The following PRKN variants were observed in gnomAD, a reference collection of about 807,000 sequenced individuals.
PRKN encodes the protein parkin RBR E3 ubiquitin protein ligase.
A neutral mutation model predicts 59.5 loss-of-function variants in PRKN; 56 were observed. The observed-to-expected ratio is 0.94, with a 90% CI of 0.76 to 1.18. The LOEUF is 1.18. Among genes scored for constraint, PRKN ranks in the 50% most tolerant of loss-of-function variants. The probability of loss-of-function intolerance (pLI) is 0.00; values close to 1 mark genes in which losing one functional copy is unlikely to be tolerated. For synonymous variants in PRKN, 250 were observed against 222.1 expected, an observed-to-expected ratio of 1.13 and a Z score of -1.12; for missense variants, 657 against 596.4, an observed-to-expected ratio of 1.10 and a Z score of -1.06.
intron 6 of PRKN, among the ~76,000 whole-genome samples, chr6:161,862,415 C>T (rs917980309): frequency 3.9e-5 from 6 of 152,162 alleles, no homozygotes; most frequent in Non-Finnish European, 4.4e-5. Context: ...TTCCTTCCTA[C>T]TGCAACTTTA....
chr6:162,529,052 T>G (rs1385431813), intron 1 of PRKN, among the ~76,000 whole-genome samples: 1 of 152,068 alleles, frequency 6.6e-6, no homozygotes, highest in Non-Finnish European at 1.5e-5. Flanking sequence ...TTTTGTATTT[T>G]CAGTAGAGAT....
Position 161,400,190 on chromosome 6 carries a change from C to G in PRKN, c.1084-13313G>C, listed in dbSNP as rs1053050236. Among the ~76,000 whole-genome samples, 12 of 152,030 alleles carry G rather than the reference C, an allele frequency of 7.9e-5. No homozygotes were observed. The highest frequency in any genetic ancestry group is 2.9e-4 in the African/African-American group (12 of 41,444). On this transcript the variant is annotated intron_variant, in intron 9 of 11. Coordinates refer to ENST00000366898, the MANE Select transcript of PRKN (RefSeq NM_004562.3). The surrounding 1 kb of genome is among the most constrained non-coding windows in gnomAD (Gnocchi z 4.2). ...CCCTGCTGTCTGAGGACTCCTTGCA[C>G]GATGCAGAGTTCAGTTAAGGGTCCA...
chr6:162,338,004 G>C (rs1231627331), intron 2 of PRKN, among the ~76,000 whole-genome samples: 1 of 151,974 alleles, frequency 6.6e-6, no homozygotes, highest in African/African-American at 2.4e-5. Context: ...AGTTTTAAGA[G>C]GATAAATCTA....
chr6:161,389,086 A>G (rs1281618119), intron 9 of PRKN, among the ~76,000 whole-genome samples: 1 of 152,208 alleles, frequency 6.6e-6, no homozygotes, highest in Non-Finnish European at 1.5e-5. Flanking sequence ...GACAGGACTG[A>G]TTTGAATTGA....
intron 1 of PRKN, among the ~76,000 whole-genome samples, chr6:162,477,495 T>G (rs746149657): frequency 9.2e-5 from 14 of 152,094 alleles, no homozygotes; most frequent in Non-Finnish European, 1.3e-4. Context: ...TTTATAAGAG[T>G]CGAGTTATGC....
rs979108330 is a variant in PRKN, at chr6:162,614,225, G to T, written c.7+113437C>A. Among the ~76,000 whole-genome samples the T allele has an allele frequency of 8.6e-4, 131 of 152,116 alleles. 1 individual carries two copies. Among genetic ancestry groups the T allele is most frequent in the Non-Finnish European group, 5.9e-5 (4 of 67,988 alleles). Reference sequence around the variant, plus strand: ...TTTAATTAATTAAATCACCCAGTTAGTTACTAGGTGAGTTACCTGAGTGCC... The same window carrying T: ...TTTAATTAATTAAATCACCCAGTTATTTACTAGGTGAGTTACCTGAGTGCC... On this transcript the variant is annotated intron_variant, in intron 1 of 11. Coordinates refer to ENST00000366898, the MANE Select transcript of PRKN (RefSeq NM_004562.3).
At chr6:162,369,647 G>A (rs749381473) in intron 2 of PRKN, among the ~76,000 whole-genome samples, 9 of 152,160 alleles carry the variant, frequency 5.9e-5, no homozygotes, top group South Asian at 2.1e-4. Flanking sequence ...TATTGAGTAC[G>A]TAGTTTAAAT....
chr6:162,626,244 A>G (rs1782886614), intron 1 of PRKN, among the ~76,000 whole-genome samples: 1 of 152,224 alleles, frequency 6.6e-6, no homozygotes, highest in Non-Finnish European at 1.5e-5. Context: ...AACAAATGTG[A>G]TGTTTTAAAC....
At position 161,393,407 on chromosome 6, in the gene PRKN, C is replaced by T. The variant is rs192193130; in HGVS notation, c.1084-6530G>A. On this transcript the variant is annotated intron_variant, in intron 9 of 11. Transcript: ENST00000366898. This position sits in a 1 kb window ranked among gnomAD's most constrained non-coding sequence, Gnocchi z 4.7. ...GACTGCTGTCTAGAAAGGGATGAGG[C>T]CTCTCTTTGCTGGTATACATGCTGA... Among the ~76,000 whole-genome samples the T allele has an allele frequency of 8.9e-4, 136 of 152,228 alleles. 4 individuals are homozygous for T. The highest frequency in any genetic ancestry group is 3.2e-3 in the African/African-American group (131 of 41,500).
rs777922791 is a variant in PRKN at position 161,502,194 on chromosome 6, C to T, written c.1083+46660G>A. Among the ~76,000 whole-genome samples the T allele has an allele frequency of 4.6e-5, 7 of 152,168 alleles. No individual in the cohort carries two copies. Among genetic ancestry groups the T allele is most frequent in the Non-Finnish European group, 1.0e-4 (7 of 68,038 alleles). ...CATTTTGGGCCATGCACTGCACATG[C>T]TTATCATTAGTCAATTGATTAAGTT... On this transcript the variant is annotated intron_variant, in intron 9 of 11. Transcript: ENST00000366898. The surrounding 1 kb of genome is among the most constrained non-coding windows in gnomAD (Gnocchi z 4.0).
intron 1 of PRKN, among the ~76,000 whole-genome samples, chr6:162,694,236 C>CAAAAA (rs149337714): frequency 1.2e-3 from 111 of 93,080 alleles, no homozygotes; most frequent in East Asian, 3.9e-3. Context: ...AACAGTGAGA[C>CAAAAA]AAAAAAAAAA....
intron 4 of PRKN, among the ~76,000 whole-genome samples, chr6:162,198,921 C>G (rs1337465524): frequency 6.6e-6 from 1 of 152,120 alleles, no homozygotes; most frequent in Non-Finnish European, 1.5e-5. Context: ...GGTTTTCTTT[C>G]TGTTTTTCTA....
intron 5 of PRKN, among the ~76,000 whole-genome samples, chr6:162,014,013 A>G (rs1049033466): frequency 3.3e-5 from 5 of 152,088 alleles, no homozygotes; most frequent in Non-Finnish European, 7.3e-5. Flanking sequence ...CAAAGGTCAA[A>G]GCTATACAAA....
rs35851380 is a variant in PRKN, at chr6:161,347,806, CG to C, written c.*2292del. ...CTAATTTTTGTATTTTTAATAGAGA[CG>C]GGGTTTCATCATCTTGGCCAGGCTG... is the stretch of plus-strand genomic sequence containing the variant. On this transcript the variant is annotated 3_prime_UTR_variant, in exon 12 of 12. Transcript: ENST00000366898. 6.6e-6 allele frequency: 1 copy of C among 151,928 alleles called. No individual in the cohort carries two copies. Among genetic ancestry groups the C allele is most frequent in the African/African-American group, 2.4e-5 (1 of 41,234 alleles). 9.4% of individuals were successfully genotyped at this position (151,928 alleles called of 1,614,324 possible). A position where few individuals can be genotyped will look rare whatever the true frequency, so the allele number is the denominator to read the frequency against.
chr6:162,370,970 AC>A (rs1332495836), intron 2 of PRKN, among the ~76,000 whole-genome samples: 1 of 152,222 alleles, frequency 6.6e-6, no homozygotes, highest in Admixed American at 6.5e-5. Context: ...TGTTTTCCGT[AC>A]ATGGCTTCTT....
chr6:162,554,015 C>T (rs904213593), intron 1 of PRKN, among the ~76,000 whole-genome samples: 10 of 152,000 alleles, frequency 6.6e-5, no homozygotes, highest in African/African-American at 1.9e-4. Flanking sequence ...CTGCAAGCAC[C>T]GCAGCTGTCG....
intron 1 of PRKN, among the ~76,000 whole-genome samples, chr6:162,655,459 A>G (rs1472395641): frequency 6.6e-6 from 1 of 152,176 alleles, no homozygotes; most frequent in Non-Finnish European, 1.5e-5. Context: ...ATACAAAGAG[A>G]GAGTATATAC....
intron 7 of PRKN, among the ~76,000 whole-genome samples, chr6:161,696,162 T>C (rs1296274831): frequency 6.6e-6 from 1 of 152,166 alleles, no homozygotes; most frequent in South Asian, 2.1e-4. Flanking sequence ...AATCAGTAGA[T>C]AAAAAGGGCT....
intron 1 of PRKN, among the ~76,000 whole-genome samples, chr6:162,589,749 G>A (rs1460822068): frequency 1.3e-5 from 2 of 151,998 alleles, no homozygotes; most frequent in East Asian, 1.9e-4. Context: ...CAATACTTTC[G>A]ACCATTACTA....
Sources: gnomAD v4.1 joint callset for allele counts (sites outside exome capture counted in the v4.1 genomes callset) on GRCh38, gnomAD v4.1.1 for gene constraint, Gnocchi (gnomAD v3.1) non-coding constraint, MANE v1.5 for transcripts, NCBI Gene and HGNC (gene_info 2026-07-23, HGNC 2026-07-21) for gene names.